Variants in TP53I13 observed in about 807,000 individuals in gnomAD.
The protein encoded by TP53I13 is tumor protein p53 inducible protein 13, also known as tumor protein p53-inducible protein 13.
A neutral mutation model predicts 39.1 loss-of-function variants in TP53I13; 27 were observed. That is an observed-to-expected ratio of 0.69 (90% confidence interval 0.51 to 0.95). TP53I13 has a LOEUF of 0.95. Ranked by LOEUF, TP53I13 falls within the 40% of genes least tolerant of loss-of-function variation. The pLI is 0.00. For synonymous variants in TP53I13, 230 were observed against 224.6 expected (o/e 1.02, Z -0.22); for missense variants, 544 against 520.4 (o/e 1.05, Z -0.44).
At chr17:29,576,066 C>A, downstream of TP53I13, 1 of 1,612,836 alleles carries the variant, frequency 6.2e-7, no homozygotes, top group Non-Finnish European at 8.5e-7. Context: ...GACACGCCTT[C>A]CCCAGGCTTA....
chr17:29,575,040 A>G (rs1435876831), downstream of TP53I13: 22 of 1,525,592 alleles, frequency 1.4e-5, no homozygotes, highest in Non-Finnish European at 1.8e-5. The surrounding 1 kb of genome is among the most constrained non-coding windows in gnomAD (Gnocchi z 5.5). Flanking sequence ...CCCCAGCTCG[A>G]GGCCCTCCCA....
At chr17:29,575,886 C>A (rs764051634), downstream of TP53I13, 1 of 1,608,676 alleles carries the variant, frequency 6.2e-7, no homozygotes, top group Admixed American at 1.7e-5. This position sits in a 1 kb window ranked among gnomAD's most constrained non-coding sequence, Gnocchi z 5.5. Context: ...GAGGCAGACA[C>A]CCCTTTCCGG....
the TP53I13 span, chr17:29,581,069 G>A: frequency 3.9e-6 from 2 of 510,868 alleles, no homozygotes; most frequent in East Asian, 3.2e-5. This position sits in a 1 kb window ranked among gnomAD's most constrained non-coding sequence, Gnocchi z 4.8. Flanking sequence ...GTGAGCCACC[G>A]CGCCCGGCCC....
chr17:29,574,177 C>T (rs1347089019), downstream of TP53I13: 1 of 150,936 alleles, frequency 6.6e-6, no homozygotes, highest in Non-Finnish European at 1.5e-5. Context: ...GACCCCAGCA[C>T]ACAGGTTGGG....
At chr17:29,578,979 T>C in the TP53I13 span, 2 of 1,613,932 alleles carry the variant, frequency 1.2e-6, no homozygotes, top group Non-Finnish European at 1.7e-6. Flanking sequence ...ACATGCACTT[T>C]TGCCGAGATC....
At chr17:29,567,028 C>T, upstream of TP53I13, 1 of 1,215,252 alleles carries the variant, frequency 8.2e-7, no homozygotes, top group Non-Finnish European at 1.0e-6. This position sits in a 1 kb window ranked among gnomAD's most constrained non-coding sequence, Gnocchi z 6.6. Flanking sequence ...GCGAGCTCCG[C>T]GCTTTGCCCG....
At chr17:29,566,374 C>T (rs1172151595), upstream of TP53I13, 3 of 1,610,808 alleles carry the variant, frequency 1.9e-6, no homozygotes, top group Admixed American at 5.0e-5. Context: ...CAGTGGGCAA[C>T]CGTGGTGGCC....
Position 29,569,160 on chromosome 17 carries a change from C to T in TP53I13, c.141+74C>T, listed in dbSNP as rs971135103. Reference sequence around the variant, plus strand: ...CAGTCCCGCTCTGTTCTCGCCGCACCCTCCACAGTCACCATCTGAGGACCT... The same window carrying T: ...CAGTCCCGCTCTGTTCTCGCCGCACTCTCCACAGTCACCATCTGAGGACCT... On this transcript the variant is annotated intron_variant, in intron 2 of 6. Coordinates refer to ENST00000301057, the MANE Select transcript of TP53I13 (RefSeq NM_138349.4). The T allele has an allele frequency of 1.9e-4, 279 of 1,505,832 alleles. No individual in the cohort carries two copies. The Middle Eastern group carries it at 2.0e-3, about 11-fold the overall frequency. The allele number at this position is 1,505,832 out of a possible 1,614,324, so 93.3% of individuals were successfully genotyped here.
chr17:29,566,332 G>T, upstream of TP53I13: 1 of 1,611,308 alleles, frequency 6.2e-7, no homozygotes, highest in Non-Finnish European at 8.5e-7. Flanking sequence ...GAGGTCGGAC[G>T]GGTCCCCGAA....
chr17:29,575,119 A>G, downstream of TP53I13: 1 of 1,601,280 alleles, frequency 6.2e-7, no homozygotes, highest in Non-Finnish European at 8.5e-7. This position sits in a 1 kb window ranked among gnomAD's most constrained non-coding sequence, Gnocchi z 5.5. Flanking sequence ...AGCCAAATGG[A>G]TCTTCTCTGA....
downstream of TP53I13, chr17:29,577,623 G>GCCC (rs1452926667): frequency 6.7e-7 from 1 of 1,493,292 alleles, no homozygotes. Flanking sequence ...ACCACCCCAG[G>GCCC]CCCCCAATCC....
intron 3 of TP53I13, 199 bp downstream of exon 3, chr17:29,569,558 CA>C (rs2032848403): frequency 1.9e-6 from 1 of 537,418 alleles, no homozygotes; most frequent in Admixed American, 3.1e-5. Context: ...GACAGTGAGC[CA>C]TAGGCCTGTC....
At chr17:29,581,916 C>T in the TP53I13 span, 3 of 1,612,208 alleles carry the variant, frequency 1.9e-6, no homozygotes, top group Non-Finnish European at 2.5e-6. This position sits in a 1 kb window ranked among gnomAD's most constrained non-coding sequence, Gnocchi z 4.8. Flanking sequence ...CACCCTTCAG[C>T]CGACCCTCAC....
At chr17:29,576,591 C>G (rs1263326347), downstream of TP53I13, 4 of 1,614,112 alleles carry the variant, frequency 2.5e-6, no homozygotes, top group Admixed American at 3.3e-5. Flanking sequence ...GCACCTTTGC[C>G]TCCGATGTAG....
chr17:29,576,405 C>T, downstream of TP53I13: 3 of 1,613,294 alleles, frequency 1.9e-6, no homozygotes, highest in Non-Finnish European at 2.5e-6. Context: ...GGCACCGGCC[C>T]TGGAGGCTGC....
chr17:29,571,255 G>C (rs1225308509), intron 3 of TP53I13: 3 of 303,148 alleles, frequency 9.9e-6, no homozygotes, highest in African/African-American at 2.1e-5. Flanking sequence ...TTCATTTGGG[G>C]GTTGCTTATG....
chr17:29,568,538 G>A (rs2032785609), upstream of TP53I13: 1 of 162,194 alleles, frequency 6.2e-6, no homozygotes, highest in Admixed American at 6.5e-5. This position sits in a 1 kb window ranked among gnomAD's most constrained non-coding sequence, Gnocchi z 4.5. Flanking sequence ...CCGGCTTCGG[G>A]TTTAAGACGC....
intron 2 of TP53I13, 24 bp downstream of exon 2, chr17:29,569,110 G>T: frequency 6.4e-7 from 1 of 1,574,646 alleles, no homozygotes; most frequent in East Asian, 2.3e-5. Flanking sequence ...AGGGCCCAGG[G>T]AGAGAGGGAT....
chr17:29,566,763 T>C, upstream of TP53I13: 2 of 1,533,534 alleles, frequency 1.3e-6, no homozygotes, highest in East Asian at 4.9e-5. Flanking sequence ...GGCTGCACCC[T>C]CCCGGCAGTG....
Sources: allele counts gnomAD v4.1 joint callset, GRCh38; gene constraint gnomAD v4.1.1; non-coding constraint Gnocchi (gnomAD v3.1); transcripts MANE v1.5; gene names NCBI Gene and HGNC (gene_info 2026-07-23, HGNC 2026-07-21).